SUCLG2: variants seen among roughly 807,000 people sequenced by gnomAD.
SUCLG2 encodes the protein succinate--CoA ligase [GDP-forming] subunit beta, mitochondrial.
In SUCLG2, 42 loss-of-function variants were observed where a neutral mutation model predicts 47.9. The ratio of observed to expected loss-of-function variants is 0.88; its 90% confidence interval spans 0.69 to 1.14. The LOEUF is 1.14. Ranked by LOEUF, SUCLG2 falls within the 50% of genes most tolerant of loss-of-function variation. SUCLG2 has a pLI of 0.00. For synonymous variants in SUCLG2, 195 were observed against 197.3 expected (o/e 0.99, Z 0.10); for missense variants, 571 against 525.9 (o/e 1.09, Z -0.84).
intron 9 of SUCLG2, among the ~76,000 whole-genome samples, chr3:67,468,969 G>C (rs941664855): frequency 1.2e-4 from 18 of 152,296 alleles, no homozygotes; most frequent in African/African-American, 4.1e-4. Flanking sequence ...GTGCGTACAA[G>C]GCTCTCTGCA....
intron 2 of SUCLG2, among the ~76,000 whole-genome samples, chr3:67,538,559 T>C (rs1399418625): frequency 1.3e-5 from 2 of 152,182 alleles, no homozygotes; most frequent in Non-Finnish European, 2.9e-5. Flanking sequence ...CCTGGTTCCA[T>C]ATGAAAGTTA....
intron 10 of SUCLG2, among the ~76,000 whole-genome samples, chr3:67,378,246 A>G (rs1702078063): frequency 6.6e-6 from 1 of 152,226 alleles, no homozygotes; most frequent in Admixed American, 6.5e-5. Flanking sequence ...GTCCCCCTTG[A>G]GTATGATCTG....
At chr3:67,431,068 T>C (rs1703467292) in intron 9 of SUCLG2, among the ~76,000 whole-genome samples, 1 of 151,920 alleles carries the variant, frequency 6.6e-6, no homozygotes, top group African/African-American at 2.4e-5. Context: ...TTCCAATCAA[T>C]AGAAAAGGAG....
intron 9 of SUCLG2, among the ~76,000 whole-genome samples, chr3:67,449,554 CT>C (rs67128516): frequency 6.0e-4 from 89 of 147,832 alleles, no homozygotes; most frequent in Non-Finnish European, 8.3e-4. Context: ...ATACCTCTGC[CT>C]TTTTTTTTTT....
intron 9 of SUCLG2, among the ~76,000 whole-genome samples, chr3:67,408,105 C>T (rs1019252651): frequency 1.1e-4 from 17 of 152,228 alleles, no homozygotes; most frequent in Admixed American, 1.1e-3. Context: ...CAGATTGGTT[C>T]GATTGGGACC....
chr3:67,394,119 C>T (rs1176112374), intron 10 of SUCLG2, among the ~76,000 whole-genome samples: 1 of 152,134 alleles, frequency 6.6e-6, no homozygotes, highest in Non-Finnish European at 1.5e-5. Context: ...GAGCACCTCT[C>T]CTCCTCCAAA....
At chr3:67,615,402 T>A (rs896193511) in intron 1 of SUCLG2, among the ~76,000 whole-genome samples, 3 of 152,052 alleles carry the variant, frequency 2.0e-5, no homozygotes, top group Non-Finnish European at 4.4e-5. Context: ...TCGACACCCC[T>A]GAAAGGGAAA....
intron 1 of SUCLG2, among the ~76,000 whole-genome samples, chr3:67,612,835 C>T (rs775119614): frequency 2.6e-5 from 4 of 152,228 alleles, no homozygotes; most frequent in Admixed American, 6.5e-5. Context: ...TTCTGACCAA[C>T]CAGTTATCAA....
At chr3:67,470,960 C>T (rs1704590151) in intron 9 of SUCLG2, among the ~76,000 whole-genome samples, 1 of 152,094 alleles carries the variant, frequency 6.6e-6, no homozygotes, top group Non-Finnish European at 1.5e-5. Flanking sequence ...ATACCCCGTT[C>T]TTCTGTTATG....
At chr3:67,392,386 T>A (rs567879778) in intron 10 of SUCLG2, among the ~76,000 whole-genome samples, 2 of 152,282 alleles carry the variant, frequency 1.3e-5, no homozygotes, top group Admixed American at 6.5e-5. Flanking sequence ...CTCCATTGTC[T>A]AAAAAACACT....
At chr3:67,609,414 G>A in intron 2 of SUCLG2, 41 bp downstream of exon 2, 1 of 1,589,896 alleles carries the variant, frequency 6.3e-7, no homozygotes. Context: ...TGAATTCACT[G>A]ATTTGGGCAA....
chr3:67,586,941 GCTC>G (rs1369926731), intron 2 of SUCLG2, among the ~76,000 whole-genome samples: 1 of 152,022 alleles, frequency 6.6e-6, no homozygotes, highest in Admixed American at 6.6e-5. Flanking sequence ...TCCTCCTCCT[GCTC>G]CTCCTCATCA....
intron 9 of SUCLG2, among the ~76,000 whole-genome samples, chr3:67,477,363 C>G (rs548651674): frequency 6.6e-6 from 1 of 152,248 alleles, no homozygotes; most frequent in East Asian, 1.9e-4. Context: ...TCTCAGTGTC[C>G]TCTTCACAGT....
intron 9 of SUCLG2, among the ~76,000 whole-genome samples, chr3:67,403,981 G>A (rs4856860): frequency 0.47 from 71,494 of 151,852 alleles, 17,497 homozygotes; most frequent in Middle Eastern, 0.68. Flanking sequence ...CGCCTCCTGG[G>A]TTCAAGTGGT....
chr3:67,613,381 C>A (rs1410411634), intron 1 of SUCLG2, among the ~76,000 whole-genome samples: 2 of 152,122 alleles, frequency 1.3e-5, no homozygotes, highest in Non-Finnish European at 1.5e-5. Flanking sequence ...GGGTAAAGAC[C>A]AAATATGTAT....
intron 10 of SUCLG2, among the ~76,000 whole-genome samples, chr3:67,393,957 G>C (rs1175797478): frequency 6.6e-6 from 1 of 152,136 alleles, no homozygotes; most frequent in Non-Finnish European, 1.5e-5. Flanking sequence ...CTGCAGCTGA[G>C]GGTCCTGTCT....
intron 7 of SUCLG2, among the ~76,000 whole-genome samples, chr3:67,504,113 G>A (rs1705574638): frequency 6.6e-6 from 1 of 152,138 alleles, no homozygotes; most frequent in African/African-American, 2.4e-5. Context: ...ATTGAAACAC[G>A]CCTTGCCAAA....
Position 67,375,857 on chromosome 3 carries a change from T to A in SUCLG2, c.1186A>T (p.Thr396Ser). 6.2e-7 allele frequency: 1 copy of A among 1,612,934 alleles called. No individual in the cohort carries two copies. Among genetic ancestry groups the A allele is most frequent in the Non-Finnish European group, 8.5e-7 (1 of 1,179,476 alleles). ...ATCTTCTGGGCCTCTTGGACGTTGG[T>A]TCCTAGAAGGGGGACAGGGAACAAT... ...KVPLVVRLEG[T>S]NVQEAQKILN... Residue 396 changes from threonine (T) to serine (S), a missense_variant and splice_region_variant, in exon 11 of 11, where the codon ACC (threonine) becomes TCC (serine). Transcript: ENST00000307227.
intron 10 of SUCLG2, among the ~76,000 whole-genome samples, chr3:67,397,377 T>A (rs1401535822): frequency 6.6e-6 from 1 of 151,116 alleles, no homozygotes; most frequent in Non-Finnish European, 1.5e-5. Context: ...TATACACCAA[T>A]AACAGACAGA....
Sources: allele counts gnomAD v4.1 joint callset (sites outside exome capture counted in the v4.1 genomes callset), GRCh38; gene constraint gnomAD v4.1.1; transcripts MANE v1.5; gene names NCBI Gene and HGNC (gene_info 2026-07-23, HGNC 2026-07-21).